The following EFCAB3 variants were observed in gnomAD, a reference collection of about 807,000 sequenced individuals.
The protein encoded by EFCAB3 is EF-hand calcium-binding domain-containing protein 3.
EFCAB3 carries 36 observed loss-of-function variants against 42.2 expected under a neutral mutation model. The ratio of observed to expected loss-of-function variants is 0.85; its 90% CI spans 0.65 to 1.13. The LOEUF is 1.13. EFCAB3 is among the 50% of genes most tolerant of loss of function. The pLI, the probability that EFCAB3 is intolerant of heterozygous loss-of-function variation, is 0.00. For missense variants in EFCAB3, 418 were observed against 505.1 expected (o/e 0.83, Z 1.65); for synonymous variants, 170 against 172.8 (o/e 0.98, Z 0.13).
At chr17:62,386,114 AC>A (rs1357691856) in intron 2 of EFCAB3, among the ~76,000 whole-genome samples, 1 of 152,068 alleles carries the variant, frequency 6.6e-6, no homozygotes. Context: ...AAGTATCAAA[AC>A]TAAATGCATT....
At chr17:62,377,892 T>C, upstream of EFCAB3, 10 of 1,176,826 alleles carry the variant, frequency 8.5e-6, no homozygotes, top group Non-Finnish European at 1.1e-5. Flanking sequence ...AAAAATAAGA[T>C]AAATTATGCC....
intron 8 of EFCAB3, among the ~76,000 whole-genome samples, chr17:62,409,118 C>T (rs148600229): frequency 1.2e-3 from 177 of 152,174 alleles, no homozygotes; most frequent in African/African-American, 4.1e-3. Context: ...AATACAGTGG[C>T]GTGATCTTGG....
intron 1 of EFCAB3, chr17:62,373,693 A>G (rs1017337339): frequency 6.4e-6 from 4 of 628,384 alleles, no homozygotes; most frequent in African/African-American, 1.9e-5. Context: ...AAGCAAACCA[A>G]TGTTTCTAGT....
At chr17:62,373,867 C>A in exon 2 of EFCAB3, 1 of 1,430,180 alleles carries the variant, frequency 7.0e-7, no homozygotes, top group Non-Finnish European at 9.6e-7. Flanking sequence ...GAAGTTTAAA[C>A]GTAAGTGAAA....
intron 6 of EFCAB3, among the ~76,000 whole-genome samples, chr17:62,402,785 C>G (rs1293196154): frequency 1.3e-5 from 2 of 152,164 alleles, no homozygotes; most frequent in Admixed American, 6.6e-5. Flanking sequence ...GCTTTGGTAT[C>G]AGGATGATGC....
intron 2 of EFCAB3, among the ~76,000 whole-genome samples, chr17:62,384,095 T>C (rs1345265239): frequency 2.6e-5 from 4 of 152,210 alleles, no homozygotes; most frequent in Non-Finnish European, 5.9e-5. Context: ...CTAGTGTCCT[T>C]GACTATGCAA....
chr17:62,404,551 C>T (rs2144103151), intron 6 of EFCAB3, among the ~76,000 whole-genome samples: 1 of 152,216 alleles, frequency 6.6e-6, no homozygotes, highest in African/African-American at 2.4e-5. Context: ...AATCCCAGCA[C>T]TTTGGGAGGC....
intron 8 of EFCAB3, among the ~76,000 whole-genome samples, chr17:62,410,611 T>C (rs916579401): frequency 6.6e-5 from 10 of 151,924 alleles, no homozygotes; most frequent in African/African-American, 2.4e-4. Flanking sequence ...TATAAATATA[T>C]ATATGAATAC....
chr17:62,400,373 C>T (rs959892750), intron 6 of EFCAB3, among the ~76,000 whole-genome samples: 1 of 152,134 alleles, frequency 6.6e-6, no homozygotes, highest in Non-Finnish European at 1.5e-5. Context: ...TGTTATCCCT[C>T]CCTCCTCCAC....
chr17:62,394,146 G>A (rs112964606), intron 5 of EFCAB3, among the ~76,000 whole-genome samples: 1 of 151,964 alleles, frequency 6.6e-6, no homozygotes, highest in South Asian at 2.1e-4. Context: ...GTAGAGATGG[G>A]ATTTCACAGT....
At chr17:62,402,622 G>T (rs1316535046) in intron 6 of EFCAB3, among the ~76,000 whole-genome samples, 12 of 152,134 alleles carry the variant, frequency 7.9e-5, no homozygotes, top group Admixed American at 5.9e-4. Flanking sequence ...AACCAGCCTT[G>T]CATCCCAGGG....
intron 6 of EFCAB3, 147 bp downstream of exon 6, chr17:62,395,335 C>A: frequency 9.6e-7 from 1 of 1,039,408 alleles, no homozygotes; most frequent in Non-Finnish European, 1.4e-6. Context: ...TGCCCTTGTG[C>A]TACAACATGA....
At chr17:62,408,387 G>A (rs1028690841) in intron 8 of EFCAB3, among the ~76,000 whole-genome samples, 3 of 152,018 alleles carry the variant, frequency 2.0e-5, no homozygotes, top group East Asian at 1.9e-4. Flanking sequence ...CCCTTCAATC[G>A]ATTCTCAACC....
chr17:62,381,870 G>C (rs1228006346), intron 1 of EFCAB3: 4 of 425,742 alleles, frequency 9.4e-6, no homozygotes, highest in African/African-American at 8.2e-5. Context: ...TGTACCTGCC[G>C]GTGGGGCTGT....
intron 1 of EFCAB3, chr17:62,381,703 T>G: frequency 4.5e-6 from 1 of 221,012 alleles, no homozygotes; most frequent in East Asian, 1.2e-4. Context: ...CTGGCTGCCC[T>G]CGGGGGCAGC....
At chr17:62,394,120 A>AT (rs1315309557) in intron 5 of EFCAB3, among the ~76,000 whole-genome samples, 1 of 151,892 alleles carries the variant, frequency 6.6e-6, no homozygotes, top group African/African-American at 2.4e-5. Context: ...TGCCCGGCTA[A>AT]TTTTTTGTAT....
At chr17:62,415,334 T>C (rs749479565) in intron 9 of EFCAB3, among the ~76,000 whole-genome samples, 1 of 152,154 alleles carries the variant, frequency 6.6e-6, no homozygotes, top group Non-Finnish European at 1.5e-5. Flanking sequence ...TATTTTCTGC[T>C]TAAGGGATTT....
upstream of EFCAB3, among the ~76,000 whole-genome samples, chr17:62,375,736 C>T (rs564270898): frequency 1.3e-4 from 20 of 152,260 alleles, no homozygotes; most frequent in Admixed American, 1.1e-3. Flanking sequence ...AAACGAGTCA[C>T]CCATATCAGA....
intron 6 of EFCAB3, among the ~76,000 whole-genome samples, chr17:62,401,987 C>G (rs895111957): frequency 5.3e-5 from 8 of 152,122 alleles, no homozygotes; most frequent in African/African-American, 1.9e-4. Flanking sequence ...TGTAATTATC[C>G]TTGAAGAGGT....
Sources: gnomAD v4.1 joint callset for allele counts (sites outside exome capture counted in the v4.1 genomes callset) on GRCh38, gnomAD v4.1.1 for gene constraint, MANE v1.5 for transcripts, NCBI Gene and HGNC (gene_info 2026-07-23, HGNC 2026-07-21) for gene names.